The following SH3RF1 variants were observed in gnomAD, a reference collection of about 807,000 sequenced individuals.
SH3RF1 encodes SH3 domain containing ring finger 1, also known as E3 ubiquitin-protein ligase SH3RF1.
In SH3RF1, 32 loss-of-function variants were observed where a neutral mutation model predicts 74.0. That is an observed-to-expected ratio of 0.43 (90% confidence interval 0.33 to 0.58). SH3RF1 has a LOEUF of 0.58. Ranked by LOEUF, SH3RF1 falls within the 20% of genes least tolerant of loss-of-function variation. The pLI, the probability that SH3RF1 is intolerant of heterozygous loss-of-function variation, is 0.05. For synonymous variants in SH3RF1, 396 were observed against 439.6 expected, an observed-to-expected ratio of 0.90 and a Z score of 1.24; for missense variants, 954 against 1,130.9, an observed-to-expected ratio of 0.84 and a Z score of 2.24.
chr4:169,162,057 T>C (rs2660430), intron 2 of SH3RF1, among the ~76,000 whole-genome samples: 84,012 of 151,756 alleles, frequency 0.55, 25,315 homozygotes, highest in East Asian at 0.72. Context: ...GCGCCTACAG[T>C]CCCAACTACT....
intron 4 of SH3RF1, among the ~76,000 whole-genome samples, chr4:169,138,043 G>C (rs1733727402): frequency 1.3e-5 from 2 of 152,230 alleles, no homozygotes; most frequent in Non-Finnish European, 2.9e-5. Flanking sequence ...AATGGCGGGA[G>C]AAAGATCATA....
At chr4:169,264,008 T>G (rs550060211) in intron 2 of SH3RF1, among the ~76,000 whole-genome samples, 1 of 152,152 alleles carries the variant, frequency 6.6e-6, no homozygotes, top group Admixed American at 6.5e-5. Flanking sequence ...CCACTGCCAG[T>G]TTCTGGGGAA....
chr4:169,251,679 A>C (rs911581197), intron 2 of SH3RF1, among the ~76,000 whole-genome samples: 3 of 152,170 alleles, frequency 2.0e-5, no homozygotes, highest in Non-Finnish European at 4.4e-5. Flanking sequence ...CCTTTTATGA[A>C]AGGAGGAAGA....
In SH3RF1 at chr4:169,200,264, A is replaced by G. The variant is rs960078425; in HGVS notation, c.394-43585T>C. Reference sequence around the variant, plus strand: ...AGGACATGTGTAGTAATGCCAAATAAAAGTACACACTGTTTTCACATACAT... The same window carrying G: ...AGGACATGTGTAGTAATGCCAAATAGAAGTACACACTGTTTTCACATACAT... On this transcript the variant is annotated intron_variant, in intron 2 of 11. Coordinates refer to ENST00000284637, the MANE Select transcript of SH3RF1 (RefSeq NM_020870.4). 5.3e-5 allele frequency among the ~76,000 whole-genome samples: 8 copies of G among 152,338 alleles called. No individual in the cohort carries two copies. In the South Asian group the frequency reaches 1.7e-3, roughly 32 times the overall value.
Position 169,259,858 on chromosome 4 carries a change from C to CT in SH3RF1, c.393+8961dup, listed in dbSNP as rs1475364523. 3.3e-5 allele frequency among the ~76,000 whole-genome samples: 5 copies of CT among 152,218 alleles called. No homozygotes were observed. In the South Asian group the frequency reaches 1.0e-3, roughly 32 times the overall value. ...GTATTTCTATCACAAGTACATCTCA[C>CT]TATAATATTTGTGCTAGGTTGCTAC... On this transcript the variant is annotated intron_variant, in intron 2 of 11. Transcript: ENST00000284637.
chr4:169,242,126 T>A (rs1876397), intron 2 of SH3RF1, among the ~76,000 whole-genome samples: 110,838 of 151,150 alleles, frequency 0.73, 40,963 homozygotes, highest in East Asian at 0.92. Flanking sequence ...TCAATTTAAA[T>A]TTTTTTTTTT....
intron 2 of SH3RF1, among the ~76,000 whole-genome samples, chr4:169,187,253 C>T (rs1421565446): frequency 1.3e-5 from 2 of 152,134 alleles, no homozygotes; most frequent in Non-Finnish European, 2.9e-5. Flanking sequence ...GGCTAGAGCG[C>T]AGTGGTGTAA....
At chr4:169,204,550 C>CT (rs35188309) in intron 2 of SH3RF1, among the ~76,000 whole-genome samples, 14,860 of 114,142 alleles carry the variant, frequency 0.13, 1,028 homozygotes, top group Middle Eastern at 0.16. Flanking sequence ...ATTACCTTCT[C>CT]TTTTTTTTTT....
At chr4:169,214,212 T>A (rs1055502687) in intron 2 of SH3RF1, among the ~76,000 whole-genome samples, 1 of 152,132 alleles carries the variant, frequency 6.6e-6, no homozygotes, top group Non-Finnish European at 1.5e-5. Context: ...ATCTGGCTGT[T>A]TAAAAGTGTG....
At chr4:169,249,589 A>G (rs1174417022) in intron 2 of SH3RF1, among the ~76,000 whole-genome samples, 1 of 152,262 alleles carries the variant, frequency 6.6e-6, no homozygotes, top group Non-Finnish European at 1.5e-5. Flanking sequence ...TTCTATGTGG[A>G]AAGCAGATTA....
intron 2 of SH3RF1, among the ~76,000 whole-genome samples, chr4:169,249,282 T>C (rs1383592237): frequency 1.3e-5 from 2 of 152,122 alleles, no homozygotes; most frequent in Admixed American, 6.5e-5. Flanking sequence ...GCTCCTCCCA[T>C]GTGAATGTGA....
At chr4:169,141,732 G>A (rs560110059) in intron 4 of SH3RF1, among the ~76,000 whole-genome samples, 5 of 149,858 alleles carry the variant, frequency 3.3e-5, no homozygotes, top group South Asian at 2.1e-4. Context: ...CTGCCTCCCC[G>A]ATTCAAGTGA....
chr4:169,118,470 T>C (rs921801260), intron 8 of SH3RF1, among the ~76,000 whole-genome samples: 1 of 152,192 alleles, frequency 6.6e-6, no homozygotes, highest in Non-Finnish European at 1.5e-5. Context: ...GTAGTAGTAG[T>C]ATTTTTTTTG....
chr4:169,155,566 G>C lies in SH3RF1; in HGVS notation c.679C>G (p.Leu227Val), dbSNP rs368665448. 5 of 1,612,090 alleles carry C rather than the reference G, an allele frequency of 3.1e-6. No homozygotes were observed. Among genetic ancestry groups the C allele is most frequent in the Non-Finnish European group, 4.2e-6 (5 of 1,178,400 alleles). The change falls in exon 4 of 12, where the codon CTG becomes GTG. Residue 227 changes from leucine (L) to valine (V), a missense_variant. By Grantham distance (32) the Leu-to-Val change is conservative (BLOSUM62 1). Around this residue, in one of 3 missense-constraint regions of SH3RF1, gnomAD observed 854 missense variants for 962.5 expected, o/e 0.89. Transcript: ENST00000284637. ...DCLPFAKDDVLTVIRRVDENW... is the reference protein window; with the variant it reads ...DCLPFAKDDVVTVIRRVDENW... Reference sequence around the variant, plus strand: ...TCATCCACTCTTCGGATCACAGTCAGAACATCATCCTGAAGAAACAGCAAA... The same window carrying C: ...TCATCCACTCTTCGGATCACAGTCACAACATCATCCTGAAGAAACAGCAAA...
chr4:169,160,482 A>T (rs1303206959), intron 2 of SH3RF1, among the ~76,000 whole-genome samples: 1 of 152,242 alleles, frequency 6.6e-6, no homozygotes, highest in East Asian at 1.9e-4. Flanking sequence ...CATTTCCGTG[A>T]TGCAACTGAA....
chr4:169,255,440 A>G (rs772279261), intron 2 of SH3RF1, among the ~76,000 whole-genome samples: 6 of 152,160 alleles, frequency 3.9e-5, no homozygotes, highest in Non-Finnish European at 5.9e-5. Context: ...GCTATTAAAA[A>G]ATAACCAAAA....
intron 2 of SH3RF1, among the ~76,000 whole-genome samples, chr4:169,212,695 T>C (rs935416430): frequency 6.6e-6 from 1 of 152,190 alleles, no homozygotes; most frequent in African/African-American, 2.4e-5. Flanking sequence ...TGAACCTACA[T>C]TGACAAGCAT....
intron 2 of SH3RF1, among the ~76,000 whole-genome samples, chr4:169,231,722 C>T (rs950387363): frequency 6.6e-6 from 1 of 152,152 alleles, no homozygotes. Flanking sequence ...ATTACTGCTC[C>T]CTTCCAAATC....
At chr4:169,178,281 T>TAAATAAGCAACTATGTTTATTTAAAA (rs1561045443) in intron 2 of SH3RF1, among the ~76,000 whole-genome samples, 1 of 114,022 alleles carries the variant, frequency 8.8e-6, no homozygotes, top group Non-Finnish European at 1.8e-5. Context: ...AATTTTTTTT[T>TAAATAAGCAACTATGTTTATTTAAAA]AAATAAGCAA....
Sources: allele counts gnomAD v4.1 joint callset (sites outside exome capture counted in the v4.1 genomes callset), GRCh38; gene constraint gnomAD v4.1.1; regional missense constraint gnomAD v4.1.1; transcripts MANE v1.5; gene names NCBI Gene and HGNC (gene_info 2026-07-23, HGNC 2026-07-21).